Variants in WDCP observed in about 807,000 individuals in gnomAD.
WDCP encodes WD repeat and coiled coil containing.
Under a neutral mutation model 41.6 loss-of-function variants are expected in WDCP, and 19 were observed. That is an observed-to-expected ratio of 0.46 (90% CI 0.32 to 0.67). The LOEUF is 0.67. Ranked by LOEUF, WDCP falls within the 30% of genes least tolerant of loss-of-function variation. WDCP has a pLI of 0.04. For missense variants in WDCP, 802 were observed against 850.7 expected, an observed-to-expected ratio of 0.94 and a Z score of 0.71; for synonymous variants, 302 against 320.8, an observed-to-expected ratio of 0.94 and a Z score of 0.63.
In WDCP at chr2:24,038,489, T is replaced by C. The variant is rs1451062482; in HGVS notation, c.1006A>G (p.Ile336Val). ...KAVTMTRKVT[I>V]PGILVPDLIA... ...AGATCAGGAACCAGAATGCCTGGAA[T>C]AGTGACTTTTCTCGTCATGGTAACT... The change falls in exon 2 of 4, where the codon ATT becomes GTT. Residue 336 changes from isoleucine (I) to valine (V), a missense_variant. Coordinates refer to ENST00000295148, the MANE Select transcript of WDCP (RefSeq NM_025203.3). 4 of 1,614,126 alleles carry C rather than the reference T, an allele frequency of 2.5e-6. No individual in the cohort carries two copies. Among genetic ancestry groups the C allele is most frequent in the East Asian group, 4.5e-5 (2 of 44,900 alleles).
In WDCP at chr2:24,038,247, AGAAG is replaced by A. The variant is rs746766534; in HGVS notation, c.1244_1247del (p.Pro415LeufsTer11). On this transcript the variant is annotated frameshift_variant, in exon 2 of 4. Transcript: ENST00000295148. LOFTEE classifies it high-confidence loss of function. ...TAATGGCATACTGATCAGACTTTGA[AGAAG>A]GAAGAAATGTTGTATCAGTGAGTTT... 2 of 1,614,006 alleles carry A rather than the reference AGAAG, an allele frequency of 1.2e-6. No individual in the cohort carries two copies. The highest frequency in any genetic ancestry group is 2.7e-5 in the African/African-American group (2 of 74,946).
chr2:24,046,100 T>A (rs1573671908), intron 1 of WDCP, among the ~76,000 whole-genome samples: 1 of 126,296 alleles, frequency 7.9e-6, no homozygotes, highest in African/African-American at 3.1e-5. Flanking sequence ...GGTGACAGAG[T>A]GAGACCCTGT....
At position 24,038,574 on chromosome 2, in the gene WDCP, G is replaced by A. The variant is rs1275350609; in HGVS notation, c.921C>T (p.Asp307=). 1 of 1,614,102 alleles carries A rather than the reference G, an allele frequency of 6.2e-7. No individual in the cohort carries two copies. Among genetic ancestry groups the A allele is most frequent in the East Asian group, 2.2e-5 (1 of 44,880 alleles). ...AATCTTGGCCAGTTCCTGTCAAGTA[G>A]TCCTTTTTTCTTAGACAAATAAGAG... The part of the protein sequence containing the change: ...GNSLICLRKK[D]YLTGTGQDSS... The change falls in exon 2 of 4, where the codon GAC becomes GAT. Residue 307 remains aspartate, a synonymous_variant. Transcript: ENST00000295148.
Position 24,037,737 on chromosome 2 carries a change from C to T in WDCP, c.1758G>A (p.Lys586=), listed in dbSNP as rs1663298333. 2 of 1,614,042 alleles carry T rather than the reference C, an allele frequency of 1.2e-6. No individual in the cohort carries two copies. The highest frequency in any genetic ancestry group is 2.7e-5 in the African/African-American group (2 of 74,940). Residue 586 remains lysine (K), a synonymous_variant, in exon 2 of 4, where the codon AAG becomes AAA. Coordinates refer to ENST00000295148, the MANE Select transcript of WDCP (RefSeq NM_025203.3). ...AGAGTGGATACACTGAAGAGGATTT[C>T]TTCCCATTATGCAGACGGTTTGTAA... The part of the protein sequence containing the change: ...SELTNRLHNG[K]KSSSVYPLSQ...
rs1442044020 is a variant in WDCP, at chr2:24,029,784, T to C, written c.*1149A>G. On this transcript the variant is annotated 3_prime_UTR_variant, in exon 4 of 4. Coordinates refer to ENST00000295148, the MANE Select transcript of WDCP (RefSeq NM_025203.3). ...TGGAGCTTCTATGGCTGAAACAATT[T>C]ATCTGCAGATGCCTAGCCACTCACT... 6.6e-6 allele frequency: 1 copy of C among 152,260 alleles called. No homozygotes were observed. 9.4% of individuals were successfully genotyped at this position (152,260 alleles called of 1,614,324 possible). A position where few individuals can be genotyped will look rare whatever the true frequency, so the allele number is the denominator to read the frequency against.
At position 24,037,731 on chromosome 2, in the gene WDCP, G is replaced by C; in HGVS notation, c.1764C>G (p.Ser588=). The C allele has an allele frequency of 6.2e-7, 1 of 1,614,100 alleles. No individual in the cohort carries two copies. Among genetic ancestry groups the C allele is most frequent in the Admixed American group, 1.7e-5 (1 of 60,016 alleles). The change falls in exon 2 of 4, where the codon TCC becomes TCG. Residue 588 remains serine (S), a synonymous_variant. Transcript: ENST00000295148. ...LTNRLHNGKK[S]SSVYPLSQDL... ...CTTGAGAGAGTGGATACACTGAAGA[G>C]GATTTCTTCCCATTATGCAGACGGT...
At position 24,044,926 on chromosome 2, in the gene WDCP, C is replaced by G. The variant is rs1257901588; in HGVS notation, c.-19+2388G>C. 2.0e-5 allele frequency among the ~76,000 whole-genome samples: 3 copies of G among 151,168 alleles called. No individual in the cohort carries two copies. In the East Asian group the frequency reaches 5.8e-4, roughly 29 times the overall value. The stretch of plus-strand genomic sequence containing the variant: ...CAGTATATAAAAAGCCTCAAAATGT[C>G]TTAACAAGGCAATTAAAACCTTATA... On this transcript the variant is annotated intron_variant, in intron 1 of 3. Transcript: ENST00000295148.
chr2:24,039,570 A>G (rs193024910), intron 1 of WDCP, 58 bp from the exon 2 acceptor site: 2 of 1,506,014 alleles, frequency 1.3e-6, no homozygotes, highest in East Asian at 2.3e-5. Context: ...TCTAGAATGT[A>G]GGACATTTGG....
intron 1 of WDCP, among the ~76,000 whole-genome samples, chr2:24,043,880 C>A (rs551120949): frequency 6.5e-4 from 92 of 141,708 alleles, no homozygotes; most frequent in Middle Eastern, 7.4e-3. Context: ...CTCTTAGGAT[C>A]TTTCACTTAA....
intron 2 of WDCP, among the ~76,000 whole-genome samples, chr2:24,034,130 G>C (rs1663171980): frequency 6.6e-6 from 1 of 152,212 alleles, no homozygotes; most frequent in African/African-American, 2.4e-5. Flanking sequence ...TTTTTTAAAA[G>C]TATAATAGGG....
chr2:24,032,211 A>G (rs55773155), intron 3 of WDCP, among the ~76,000 whole-genome samples: 15,774 of 152,086 alleles, frequency 0.1, 925 homozygotes, highest in Middle Eastern at 0.18. Flanking sequence ...GTTATCTACA[A>G]ACATTTTTTT....
In WDCP at chr2:24,039,237, A is replaced by T; in HGVS notation, c.258T>A (p.Thr86=). 2 of 1,614,256 alleles carry T rather than the reference A, an allele frequency of 1.2e-6. No individual in the cohort carries two copies. Among genetic ancestry groups the T allele is most frequent in the Non-Finnish European group, 1.7e-6 (2 of 1,180,046 alleles). Residue 86 remains threonine (T), a synonymous_variant, in exon 2 of 4, where the codon ACT becomes ACA. Coordinates refer to ENST00000295148, the MANE Select transcript of WDCP (RefSeq NM_025203.3). ...LLAVQHEKHV[T]VWQLCPSPME... Reference sequence around the variant, plus strand: ...TAGGGCTGGGACACAGCTGCCACACAGTGACATGCTTCTCATGCTGGACAG... The same window carrying T: ...TAGGGCTGGGACACAGCTGCCACACTGTGACATGCTTCTCATGCTGGACAG...
At chr2:24,040,627 TA>T (rs1482099312) in intron 1 of WDCP, among the ~76,000 whole-genome samples, 1 of 152,264 alleles carries the variant, frequency 6.6e-6, no homozygotes, top group Non-Finnish European at 1.5e-5. Context: ...TATCTTACAA[TA>T]ATCTTTTAAA....
chr2:24,039,060 A>T lies in WDCP; in HGVS notation c.435T>A (p.Asp145Glu). Residue 145 changes from aspartate (D) to glutamate (E), a missense_variant, in exon 2 of 4, where the codon GAT (aspartate) becomes GAA (glutamate). By Grantham distance (45) the Asp-to-Glu change is conservative (BLOSUM62 2). Transcript: ENST00000295148. ...TGATGTCTGCCTTTACCTGGGAATC[A>T]TCAGAGTGAACATTAGGGAAAATGG... ...DVSIFPNVHS[D>E]DSQVKADINT... is the part of the protein sequence containing the mutation. 6.2e-7 allele frequency: 1 copy of T among 1,614,210 alleles called. No individual in the cohort carries two copies. The highest frequency in any genetic ancestry group is 1.1e-5 in the South Asian group (1 of 91,086).
intron 1 of WDCP, among the ~76,000 whole-genome samples, chr2:24,045,600 CAAAAAAAA>C (rs869243363): frequency 5.1e-4 from 33 of 64,400 alleles, no homozygotes; most frequent in East Asian, 1.2e-3. Context: ...GACTCCATCT[CAAAAAAAA>C]AAAAAAAAAA....
At chr2:24,039,758 T>C (rs748387761) in intron 1 of WDCP, among the ~76,000 whole-genome samples, 29 of 152,148 alleles carry the variant, frequency 1.9e-4, no homozygotes, top group Non-Finnish European at 3.8e-4. Context: ...GAAATCTGAG[T>C]ATGGAATGGA....
chr2:24,033,402 C>T (rs529377914), intron 2 of WDCP: 22 of 240,054 alleles, frequency 9.2e-5, no homozygotes, highest in African/African-American at 4.8e-4. Flanking sequence ...ATTCACATAG[C>T]TTAGAAAAAG....
At chr2:24,035,703 C>G (rs897404174) in intron 2 of WDCP, among the ~76,000 whole-genome samples, 1 of 151,608 alleles carries the variant, frequency 6.6e-6, no homozygotes, top group African/African-American at 2.4e-5. Flanking sequence ...CTGCTTGAGC[C>G]CAGGACTTCC....
intron 1 of WDCP, among the ~76,000 whole-genome samples, chr2:24,044,915 C>G (rs554704451): frequency 2.0e-5 from 3 of 151,348 alleles, no homozygotes; most frequent in Non-Finnish European, 4.4e-5. Flanking sequence ...ATATAAAAAG[C>G]CTCAAAATGT....
Sources: allele counts gnomAD v4.1 joint callset (sites outside exome capture counted in the v4.1 genomes callset), GRCh38; gene constraint gnomAD v4.1.1; transcripts MANE v1.5; gene names NCBI Gene and HGNC (gene_info 2026-07-23, HGNC 2026-07-21).